The following PRR16 variants were observed in gnomAD, a reference collection of about 807,000 sequenced individuals.
The protein encoded by PRR16 is protein Largen.
In PRR16, 6 loss-of-function variants were observed where a neutral mutation model predicts 18.2. The ratio of observed to expected loss-of-function variants is 0.33; its 90% CI spans 0.18 to 0.65. The LOEUF is 0.65. Ranked by LOEUF, PRR16 falls within the 30% of genes least tolerant of loss-of-function variation. The probability of loss-of-function intolerance (pLI) is 0.74; values close to 1 mark genes in which losing one functional copy is unlikely to be tolerated. For synonymous variants in PRR16, 151 were observed against 147.8 expected, an observed-to-expected ratio of 1.02 and a Z score of -0.16; for missense variants, 412 against 376.6, an observed-to-expected ratio of 1.09 and a Z score of -0.78.
intron 1 of PRR16, among the ~76,000 whole-genome samples, chr5:120,486,135 C>T (rs1411393062): frequency 1.3e-5 from 2 of 152,156 alleles, no homozygotes; most frequent in Non-Finnish European, 2.9e-5. Flanking sequence ...TTTATAGCAG[C>T]ATGATTTATA....
chr5:120,570,604 T>C (rs1752875892), intron 1 of PRR16, among the ~76,000 whole-genome samples: 1 of 152,138 alleles, frequency 6.6e-6, no homozygotes, highest in African/African-American at 2.4e-5. Context: ...TATACAATAG[T>C]ATTTATTGTA....
chr5:120,575,133 G>A (rs1191996633), intron 1 of PRR16, among the ~76,000 whole-genome samples: 1 of 151,940 alleles, frequency 6.6e-6, no homozygotes, highest in Non-Finnish European at 1.5e-5. Context: ...TGTATGTGTA[G>A]GCAAATATAG....
the PRR16 span, among the ~76,000 whole-genome samples, chr5:120,726,195 T>A: frequency 2.0e-5 from 3 of 152,134 alleles, no homozygotes; most frequent in African/African-American, 7.2e-5. Context: ...AAAGTTGGGA[T>A]GTAAATAGTT....
the PRR16 span, among the ~76,000 whole-genome samples, chr5:120,768,456 A>AT: frequency 2.0e-5 from 3 of 151,418 alleles, no homozygotes; most frequent in Admixed American, 6.6e-5. Flanking sequence ...TTGGTAAAAA[A>AT]ATATATATAT....
intron 1 of PRR16, among the ~76,000 whole-genome samples, chr5:120,659,609 A>G (rs1038668229): frequency 6.6e-6 from 1 of 152,086 alleles, no homozygotes; most frequent in African/African-American, 2.4e-5. Flanking sequence ...TGAAATATAC[A>G]GTAGATTAAT....
At chr5:120,758,175 A>G in the PRR16 span, among the ~76,000 whole-genome samples, 1 of 152,272 alleles carries the variant, frequency 6.6e-6, no homozygotes, top group East Asian at 1.9e-4. Context: ...ATTTGATGCA[A>G]AAATAATGGA....
chr5:120,754,686 T>C, the PRR16 span, among the ~76,000 whole-genome samples: 1 of 140,086 alleles, frequency 7.1e-6, no homozygotes, highest in East Asian at 2.0e-4. Context: ...AGAAATATTG[T>C]TTTCTTCCTG....
chr5:120,601,497 T>C lies in PRR16; in HGVS notation c.160-84457T>C, dbSNP rs377102591. Reference sequence around the variant, plus strand: ...TGTCAGATGCATAGTTTGAAAATATTTTTTCTATTCTATGCGTTGACTGTT... The same window carrying C: ...TGTCAGATGCATAGTTTGAAAATATCTTTTCTATTCTATGCGTTGACTGTT... On this transcript the variant is annotated intron_variant, in intron 1 of 1. Transcript: ENST00000407149. Among the ~76,000 whole-genome samples, 819 of 152,256 alleles carry C rather than the reference T, an allele frequency of 5.4e-3. 13 individuals carry two copies. The highest frequency in any genetic ancestry group is 0.018 in the African/African-American group (745 of 41,588).
At chr5:120,556,887 C>A (rs1427563938) in intron 1 of PRR16, among the ~76,000 whole-genome samples, 1 of 151,404 alleles carries the variant, frequency 6.6e-6, no homozygotes, top group Non-Finnish European at 1.5e-5. Flanking sequence ...AAACAACTTT[C>A]TTTTCAGCTC....
intron 1 of PRR16, among the ~76,000 whole-genome samples, chr5:120,644,768 T>C (rs990036058): frequency 6.6e-6 from 1 of 152,152 alleles, no homozygotes; most frequent in Non-Finnish European, 1.5e-5. Context: ...ATTTCTCAGA[T>C]AGAATATTGC....
intron 1 of PRR16, among the ~76,000 whole-genome samples, chr5:120,496,977 G>C (rs1368360718): frequency 6.6e-6 from 1 of 151,742 alleles, no homozygotes; most frequent in East Asian, 1.9e-4. Flanking sequence ...TATTTGAAAG[G>C]GTGTTGTATA....
chr5:120,561,473 A>T (rs1752573271), intron 1 of PRR16, among the ~76,000 whole-genome samples: 1 of 152,158 alleles, frequency 6.6e-6, no homozygotes, highest in Non-Finnish European at 1.5e-5. Flanking sequence ...TTGTGGTCAG[A>T]GAAGATTCTC....
At chr5:120,713,585 A>G in the PRR16 span, among the ~76,000 whole-genome samples, 1 of 152,174 alleles carries the variant, frequency 6.6e-6, no homozygotes, top group Non-Finnish European at 1.5e-5. Context: ...GTGTGATTAA[A>G]CCATTCGTAT....
At chr5:120,484,694 A>G (rs1227276190) in intron 1 of PRR16, among the ~76,000 whole-genome samples, 1 of 148,300 alleles carries the variant, frequency 6.7e-6, no homozygotes, top group African/African-American at 2.4e-5. Flanking sequence ...GAACCTTCAG[A>G]AACATGGGAT....
At chr5:120,502,846 C>G (rs541349077) in intron 1 of PRR16, among the ~76,000 whole-genome samples, 11 of 152,034 alleles carry the variant, frequency 7.2e-5, no homozygotes, top group Non-Finnish European at 1.3e-4. Context: ...TGTTGCGTCC[C>G]AAAAAATAAT....
At chr5:120,702,632 T>C in the PRR16 span, among the ~76,000 whole-genome samples, 1 of 152,158 alleles carries the variant, frequency 6.6e-6, no homozygotes, top group African/African-American at 2.4e-5. Flanking sequence ...GAAGGCTGCC[T>C]TCCCAGTCCG....
chr5:120,664,615 A>G (rs1206197731), intron 1 of PRR16, among the ~76,000 whole-genome samples: 3 of 151,262 alleles, frequency 2.0e-5, no homozygotes, highest in South Asian at 2.1e-4. Flanking sequence ...TGCTCCCCCT[A>G]CCCCACAGCA....
chr5:120,624,691 C>G (rs1385016021), intron 1 of PRR16, among the ~76,000 whole-genome samples: 3 of 152,208 alleles, frequency 2.0e-5, no homozygotes, highest in Non-Finnish European at 4.4e-5. Flanking sequence ...GTATTAAGAA[C>G]TGCTCCTGAT....
At chr5:120,605,961 G>A (rs1463269872) in intron 1 of PRR16, among the ~76,000 whole-genome samples, 1 of 152,136 alleles carries the variant, frequency 6.6e-6, no homozygotes, top group East Asian at 1.9e-4. Flanking sequence ...CTCCAGCCAG[G>A]CAGTATGTTG....
Sources: allele counts gnomAD v4.1 joint callset (sites outside exome capture counted in the v4.1 genomes callset), GRCh38; gene constraint gnomAD v4.1.1; transcripts MANE v1.5; gene names NCBI Gene and HGNC (gene_info 2026-07-23, HGNC 2026-07-21).